Variants in PPP1R13B observed in about 807,000 individuals in gnomAD.
PPP1R13B encodes apoptosis-stimulating of p53 protein 1.
Under a neutral mutation model 119.8 loss-of-function variants are expected in PPP1R13B, and 44 were observed. That is an observed-to-expected ratio of 0.37 (90% CI 0.29 to 0.47). The LOEUF (loss-of-function observed/expected upper bound fraction) is 0.47, where lower values mean the gene tolerates loss of function less well. PPP1R13B is among the 20% of genes least tolerant of loss of function. PPP1R13B has a pLI of 0.99. For missense variants in PPP1R13B, 1,227 were observed against 1,413.5 expected, an observed-to-expected ratio of 0.87 and a Z score of 2.12; for synonymous variants, 542 against 561.5, an observed-to-expected ratio of 0.97 and a Z score of 0.49.
At chr14:103,803,014 G>A (rs539933274) in intron 1 of PPP1R13B, among the ~76,000 whole-genome samples, 1 of 152,154 alleles carries the variant, frequency 6.6e-6, no homozygotes, top group East Asian at 1.9e-4. Context: ...AGCTGGTTTT[G>A]ACCTGGATGA....
At chr14:103,838,563 C>T (rs1000892006) in intron 1 of PPP1R13B, among the ~76,000 whole-genome samples, 1 of 152,164 alleles carries the variant, frequency 6.6e-6, no homozygotes, top group Non-Finnish European at 1.5e-5. Context: ...GAACTGTACA[C>T]ATTAAAAGGT....
rs1274716771 is a variant in PPP1R13B, at chr14:103,736,140, C to T, written c.3094G>A (p.Ala1032Thr). 3 of 1,614,118 alleles carry T rather than the reference C, an allele frequency of 1.9e-6. No individual in the cohort carries two copies. Among genetic ancestry groups the T allele is most frequent in the East Asian group, 4.5e-5 (2 of 44,900 alleles). The change falls in exon 16 of 17, where the codon GCC (alanine) becomes ACC (threonine). Residue 1032 changes from alanine to threonine, a missense_variant. Physicochemically the swap from Ala to Thr is moderately conservative, Grantham distance 58. Coordinates refer to ENST00000202556, the MANE Select transcript of PPP1R13B (RefSeq NM_015316.3). Reference sequence around the variant, plus strand: ...AAGGACAGCTCGTCACTGTTCTGGGCCTCGTAGTCCCACAGAGCATACGCC... The same window carrying T: ...AAGGACAGCTCGTCACTGTTCTGGGTCTCGTAGTCCCACAGAGCATACGCC... ...GVAYALWDYE[A>T]QNSDELSFHE...
chr14:103,794,679 T>A, intron 2 of PPP1R13B: 1 of 433,932 alleles, frequency 2.3e-6, no homozygotes, highest in Non-Finnish European at 4.6e-6. Flanking sequence ...AAAAAAAAAA[T>A]CTCTGTAAGG....
intron 1 of PPP1R13B, chr14:103,846,787 T>A (rs1461741240): frequency 2.2e-6 from 1 of 457,370 alleles, no homozygotes; most frequent in Non-Finnish European, 4.4e-6. Context: ...ACATTGCAGA[T>A]ACGGGAAAAG....
intron 4 of PPP1R13B, among the ~76,000 whole-genome samples, chr14:103,777,032 G>A (rs2085218332): frequency 6.6e-6 from 1 of 151,578 alleles, no homozygotes; most frequent in African/African-American, 2.4e-5. Flanking sequence ...TCACTCTCTT[G>A]CCCAGGCTGG....
chr14:103,793,074 A>G (rs2085664258), intron 2 of PPP1R13B, among the ~76,000 whole-genome samples: 2 of 135,504 alleles, frequency 1.5e-5, no homozygotes, highest in South Asian at 2.9e-4. Context: ...TCTGTCATAG[A>G]AAAGGGGAAG....
At chr14:103,735,505 G>T (rs1286336601) in intron 16 of PPP1R13B, among the ~76,000 whole-genome samples, 2 of 152,196 alleles carry the variant, frequency 1.3e-5, no homozygotes, top group African/African-American at 4.8e-5. Flanking sequence ...TGCTGTGTTT[G>T]CCTGGCCAAG....
rs545075509 is a variant in PPP1R13B, at chr14:103,775,905, C to T, written c.354+2840G>A. ...TAATCTTAACAACAGGAATATTTCT[C>T]CCTGAGTGGCAGAAGGATTATGATA... is the stretch of plus-strand genomic sequence containing the variant. On this transcript the variant is annotated intron_variant, in intron 4 of 16. Coordinates refer to ENST00000202556, the MANE Select transcript of PPP1R13B (RefSeq NM_015316.3). Among the ~76,000 whole-genome samples the T allele has an allele frequency of 1.5e-3, 228 of 151,828 alleles. 2 individuals are homozygous for T. Among genetic ancestry groups the T allele is most frequent in the Non-Finnish European group, 9.7e-4 (66 of 67,958 alleles).
intron 1 of PPP1R13B, among the ~76,000 whole-genome samples, chr14:103,827,893 A>G (rs1013171542): frequency 1.3e-5 from 2 of 152,140 alleles, no homozygotes; most frequent in Non-Finnish European, 2.9e-5. Flanking sequence ...TATCCCACAG[A>G]AGCCTTAGTA....
intron 1 of PPP1R13B, among the ~76,000 whole-genome samples, chr14:103,835,795 G>A (rs2086763928): frequency 6.6e-6 from 1 of 151,752 alleles, no homozygotes; most frequent in African/African-American, 2.4e-5. Context: ...TTTTTTAGTA[G>A]AGACGGGGTT....
At chr14:103,765,039 C>T (rs993389243) in intron 4 of PPP1R13B, among the ~76,000 whole-genome samples, 4 of 152,170 alleles carry the variant, frequency 2.6e-5, no homozygotes, top group East Asian at 1.9e-4. Context: ...AGGATGGTCT[C>T]GATCTCCTGA....
rs2084495414 is a variant in PPP1R13B, at chr14:103,749,854, C to T, written c.909G>A (p.Val303=). The T allele has an allele frequency of 6.2e-7, 1 of 1,614,112 alleles. No individual in the cohort carries two copies. Among genetic ancestry groups the T allele is most frequent in the Non-Finnish European group, 8.5e-7 (1 of 1,180,002 alleles). The change falls in exon 8 of 17, where the codon GTG becomes GTA. Residue 303 remains valine, a synonymous_variant. Transcript: ENST00000202556. ...CACTGATTCGCTTGTCCATCATGGCCACCTCCATGTTGCGCTTATTTAAGA... is the reference window on the plus strand; with the variant it reads ...CACTGATTCGCTTGTCCATCATGGCTACCTCCATGTTGCGCTTATTTAAGA... The part of the protein sequence containing the change: ...KELLNKRNME[V]AMMDKRISEL...
chr14:103,771,227 T>C (rs2085061582), intron 4 of PPP1R13B, among the ~76,000 whole-genome samples: 2 of 152,104 alleles, frequency 1.3e-5, no homozygotes, highest in Admixed American at 1.3e-4. Flanking sequence ...GCCTAGTTAC[T>C]GACAAAGGCC....
At chr14:103,778,930 A>C (rs1219545933) in intron 3 of PPP1R13B, 109 bp from the exon 4 acceptor site, 2 of 843,130 alleles carry the variant, frequency 2.4e-6, no homozygotes, top group Non-Finnish European at 3.8e-6. Context: ...GTAAAATACC[A>C]GGCTGAGAAA....
At chr14:103,830,885 A>G (rs892348428) in intron 1 of PPP1R13B, among the ~76,000 whole-genome samples, 1 of 152,220 alleles carries the variant, frequency 6.6e-6, no homozygotes, top group African/African-American at 2.4e-5. Context: ...TAGTATTAAA[A>G]AAAAGAATGT....
At chr14:103,844,445 C>T (rs1448585965) in intron 1 of PPP1R13B, among the ~76,000 whole-genome samples, 1 of 151,950 alleles carries the variant, frequency 6.6e-6, no homozygotes, top group African/African-American at 2.4e-5. Flanking sequence ...AAAGTTACCA[C>T]ATGGCCGGGC....
chr14:103,801,453 CA>C (rs2085898821), intron 1 of PPP1R13B, among the ~76,000 whole-genome samples: 1 of 152,168 alleles, frequency 6.6e-6, no homozygotes, highest in Non-Finnish European at 1.5e-5. Flanking sequence ...TTCTCTCTGG[CA>C]GCCGTCCCTC....
At chr14:103,749,392 T>C (rs1408027480) in intron 8 of PPP1R13B, among the ~76,000 whole-genome samples, 2 of 152,144 alleles carry the variant, frequency 1.3e-5, no homozygotes, top group African/African-American at 2.4e-5. Flanking sequence ...ACGGGGCAGG[T>C]AGGACAAATC....
intron 1 of PPP1R13B, among the ~76,000 whole-genome samples, chr14:103,845,963 G>A (rs1342160743): frequency 6.6e-6 from 1 of 152,130 alleles, no homozygotes; most frequent in Admixed American, 6.6e-5. Flanking sequence ...TTGATCCTCA[G>A]GACAGCGCTC....
Sources: allele counts gnomAD v4.1 joint callset (sites outside exome capture counted in the v4.1 genomes callset), GRCh38; gene constraint gnomAD v4.1.1; transcripts MANE v1.5; gene names NCBI Gene and HGNC (gene_info 2026-07-23, HGNC 2026-07-21).